The following HS3ST4 variants were observed in gnomAD, a reference collection of about 807,000 sequenced individuals.
The protein encoded by HS3ST4 is heparan sulfate-glucosamine 3-sulfotransferase 4, also known as heparan sulfate glucosamine 3-O-sulfotransferase 4.
A neutral mutation model predicts 29.2 loss-of-function variants in HS3ST4; 17 were observed. The ratio of observed to expected loss-of-function variants is 0.58; its 90% CI spans 0.40 to 0.87. The LOEUF (loss-of-function observed/expected upper bound fraction) is 0.87, where lower values mean the gene tolerates loss of function less well. HS3ST4 is among the 40% of genes least tolerant of loss of function. The pLI, the probability that HS3ST4 is intolerant of heterozygous loss-of-function variation, is 0.00. For missense variants in HS3ST4, 627 were observed against 634.5 expected, an observed-to-expected ratio of 0.99 and a Z score of 0.13; for synonymous variants, 314 against 285.7, an observed-to-expected ratio of 1.10 and a Z score of -1.00.
chr16:26,045,470 T>C (rs1300375986), intron 1 of HS3ST4, among the ~76,000 whole-genome samples: 1 of 152,160 alleles, frequency 6.6e-6, no homozygotes, highest in African/African-American at 2.4e-5. Context: ...GTTTGGGAAA[T>C]ACTAATTTAG....
chr16:25,948,979 A>G (rs961729053), intron 1 of HS3ST4, among the ~76,000 whole-genome samples: 1 of 152,146 alleles, frequency 6.6e-6, no homozygotes, highest in East Asian at 1.9e-4. Flanking sequence ...GACTTTGCAG[A>G]TGATATTTAT....
rs114177458 is a variant in HS3ST4 at position 25,974,767 on chromosome 16, C to T, written c.735-160845C>T. On this transcript the variant is annotated intron_variant, in intron 1 of 1. Transcript: ENST00000331351. Reference sequence around the variant, plus strand: ...AATGAAAGTATCATTTTTATAAGAACGCATATTTAGAAAAACATGTCATTT... The same window carrying T: ...AATGAAAGTATCATTTTTATAAGAATGCATATTTAGAAAAACATGTCATTT... 9.7e-3 allele frequency among the ~76,000 whole-genome samples: 1,484 copies of T among 152,206 alleles called. 26 individuals are homozygous for T. Among genetic ancestry groups the T allele is most frequent in the African/African-American group, 0.034 (1,394 of 41,534 alleles).
intron 1 of HS3ST4, among the ~76,000 whole-genome samples, chr16:26,128,340 C>G (rs566076880): frequency 1.3e-5 from 2 of 152,208 alleles, no homozygotes; most frequent in Non-Finnish European, 2.9e-5. Flanking sequence ...CCAATACATA[C>G]TCAGTGGAAT....
chr16:25,876,431 C>T (rs187847689), intron 1 of HS3ST4, among the ~76,000 whole-genome samples: 2 of 152,234 alleles, frequency 1.3e-5, no homozygotes, highest in East Asian at 1.9e-4. Context: ...TTCCCAGGAT[C>T]TGCTGTTGTT....
At chr16:25,707,041 T>C (rs1966380195) in intron 1 of HS3ST4, among the ~76,000 whole-genome samples, 1 of 152,204 alleles carries the variant, frequency 6.6e-6, no homozygotes, top group South Asian at 2.1e-4. Context: ...TATCCCTTTG[T>C]CCAGCATGTC....
intron 1 of HS3ST4, among the ~76,000 whole-genome samples, chr16:25,880,371 C>T (rs1422600263): frequency 6.6e-6 from 1 of 152,134 alleles, no homozygotes; most frequent in Non-Finnish European, 1.5e-5. Context: ...GTTGAATGAA[C>T]TCAGAGTGGC....
At chr16:25,919,741 A>G (rs1968328506) in intron 1 of HS3ST4, among the ~76,000 whole-genome samples, 1 of 152,208 alleles carries the variant, frequency 6.6e-6, no homozygotes, top group African/African-American at 2.4e-5. Context: ...GTTTAAAAAG[A>G]ATAGTCAACT....
At chr16:25,693,458 G>T (rs569803739) in intron 1 of HS3ST4, among the ~76,000 whole-genome samples, 1 of 152,322 alleles carries the variant, frequency 6.6e-6, no homozygotes, top group South Asian at 2.1e-4. Context: ...CAGCCCTCCT[G>T]CCTGCTGGGT....
At chr16:25,778,267 T>C (rs1966849462) in intron 1 of HS3ST4, among the ~76,000 whole-genome samples, 1 of 152,228 alleles carries the variant, frequency 6.6e-6, no homozygotes, top group African/African-American at 2.4e-5. Context: ...CCATTTGGCC[T>C]GGGACAGCCA....
chr16:25,895,658 T>C (rs1202882178), intron 1 of HS3ST4, among the ~76,000 whole-genome samples: 1 of 151,910 alleles, frequency 6.6e-6, no homozygotes, highest in African/African-American at 2.4e-5. Context: ...CCTGGAAGAT[T>C]TGAGACCTGG....
chr16:26,067,218 T>G (rs1898552900), intron 1 of HS3ST4, among the ~76,000 whole-genome samples: 1 of 152,176 alleles, frequency 6.6e-6, no homozygotes, highest in African/African-American at 2.4e-5. Context: ...GCAAATATTA[T>G]TTTCAGACAA....
chr16:26,022,111 T>C (rs1178896351), intron 1 of HS3ST4, among the ~76,000 whole-genome samples: 2 of 152,092 alleles, frequency 1.3e-5, no homozygotes, highest in Non-Finnish European at 2.9e-5. Flanking sequence ...TACAGGCACA[T>C]GTCACCATGC....
intron 1 of HS3ST4, among the ~76,000 whole-genome samples, chr16:26,133,572 C>T (rs571109583): frequency 4.0e-4 from 61 of 152,306 alleles, no homozygotes; most frequent in Middle Eastern, 3.4e-3. Context: ...GAAAACACCA[C>T]GCTGCCCAAC....
chr16:26,061,099 A>T (rs59715361), intron 1 of HS3ST4, among the ~76,000 whole-genome samples: 1,946 of 152,338 alleles, frequency 0.013, 34 homozygotes, highest in African/African-American at 0.044. Context: ...CAAAACGCAC[A>T]CACATCCCAA....
At chr16:25,853,105 C>G (rs1334392549) in intron 1 of HS3ST4, among the ~76,000 whole-genome samples, 1 of 152,138 alleles carries the variant, frequency 6.6e-6, no homozygotes, top group Non-Finnish European at 1.5e-5. Context: ...CTTTCACCTC[C>G]TTGGTTAAAT....
rs115723595 is a variant in HS3ST4, at chr16:26,004,333, C to T, written c.735-131279C>T. 3.3e-3 allele frequency among the ~76,000 whole-genome samples: 502 copies of T among 152,174 alleles called. 2 individuals are homozygous for T. Among genetic ancestry groups the T allele is most frequent in the African/African-American group, 0.011 (460 of 41,500 alleles). On this transcript the variant is annotated intron_variant, in intron 1 of 1. Coordinates refer to ENST00000331351, the MANE Select transcript of HS3ST4 (RefSeq NM_006040.3). Reference sequence around the variant, plus strand: ...ACATTGATCTATAACACACCAGAACCGTGTTTTAATAGCTGCTGATAAATG... The same window carrying T: ...ACATTGATCTATAACACACCAGAACTGTGTTTTAATAGCTGCTGATAAATG...
intron 1 of HS3ST4, among the ~76,000 whole-genome samples, chr16:25,865,677 T>C (rs1284478320): frequency 1.3e-5 from 2 of 152,172 alleles, no homozygotes. Flanking sequence ...AATCAATTTA[T>C]GGCTAGTTGA....
At chr16:25,882,520 G>C (rs4407062) in intron 1 of HS3ST4, among the ~76,000 whole-genome samples, 114,938 of 152,018 alleles carry the variant, frequency 0.76, 43,846 homozygotes, top group African/African-American at 0.85. Context: ...TCCAGCAAAT[G>C]TCTTTTGATT....
At chr16:25,994,290 A>G (rs1470084387) in intron 1 of HS3ST4, among the ~76,000 whole-genome samples, 1 of 151,784 alleles carries the variant, frequency 6.6e-6, no homozygotes, top group African/African-American at 2.4e-5. Flanking sequence ...TTTGCTTCTC[A>G]CACTTTTATT....
Sources: gnomAD v4.1 joint callset for allele counts (sites outside exome capture counted in the v4.1 genomes callset) on GRCh38, gnomAD v4.1.1 for gene constraint, MANE v1.5 for transcripts, NCBI Gene and HGNC (gene_info 2026-07-23, HGNC 2026-07-21) for gene names.